RABEP1: variants seen among roughly 807,000 people sequenced by gnomAD.
RABEP1 encodes the protein rabaptin, RAB GTPase binding effector protein 1, also known as rab GTPase-binding effector protein 1.
In RABEP1, 51 loss-of-function variants were observed where a neutral mutation model predicts 123.4. That is an observed-to-expected ratio of 0.41 (90% CI 0.33 to 0.52). The LOEUF is 0.52. Ranked by LOEUF, RABEP1 falls within the 20% of genes least tolerant of loss-of-function variation. The pLI is 0.16. For synonymous variants in RABEP1, 347 were observed against 355.2 expected (o/e 0.98, Z 0.26); for missense variants, 888 against 996.3 (o/e 0.89, Z 1.46).
At chr17:5,367,902 C>G (rs568715886) in intron 11 of RABEP1, among the ~76,000 whole-genome samples, 1 of 150,670 alleles carries the variant, frequency 6.6e-6, no homozygotes, top group Non-Finnish European at 1.5e-5. Flanking sequence ...ATACAGGTGC[C>G]CGCCACCACA....
intron 2 of RABEP1, among the ~76,000 whole-genome samples, chr17:5,319,830 TACAA>T (rs1341994691): frequency 1.3e-5 from 2 of 151,766 alleles, no homozygotes; most frequent in African/African-American, 2.4e-5. Flanking sequence ...TGTTTGAAAA[TACAA>T]AGAGGACAAA....
intron 2 of RABEP1, among the ~76,000 whole-genome samples, chr17:5,316,672 G>A (rs1490792821): frequency 3.3e-5 from 5 of 150,136 alleles, no homozygotes; most frequent in Non-Finnish European, 5.9e-5. Context: ...GTATCTACTA[G>A]AAATGCAAAA....
At chr17:5,285,733 G>T (rs1230931181) in intron 1 of RABEP1, among the ~76,000 whole-genome samples, 1 of 152,192 alleles carries the variant, frequency 6.6e-6, no homozygotes, top group African/African-American at 2.4e-5. Flanking sequence ...AGAAGTTAAA[G>T]AAACGTGCCT....
chr17:5,350,454 G>C lies in RABEP1; in HGVS notation c.788G>C (p.Cys263Ser). 6.2e-7 allele frequency: 1 copy of C among 1,608,474 alleles called. No homozygotes were observed. Among genetic ancestry groups the C allele is most frequent in the Non-Finnish European group, 8.5e-7 (1 of 1,178,190 alleles). Residue 263 changes from cysteine to serine, a missense_variant, in exon 7 of 18, where the codon TGC (cysteine) becomes TCC (serine). Physicochemically the swap from Cys to Ser is moderately radical, Grantham distance 112. Transcript: ENST00000537505. Reference protein sequence around the residue: ...EKLRKELHEVCHLLEQERQQH... With the variant: ...EKLRKELHEVSHLLEQERQQH... ...TGGTGGGGGGGTTCCTAAACAGTTT[G>C]CCATCTCTTGGAGCAAGAGCGACAA...
chr17:5,308,166 A>G (rs1386358734), intron 1 of RABEP1, among the ~76,000 whole-genome samples: 1 of 151,336 alleles, frequency 6.6e-6, no homozygotes, highest in Non-Finnish European at 1.5e-5. Context: ...GATTCTCTGT[A>G]TATTTGTGGT....
chr17:5,300,969 G>A (rs1023183998), intron 1 of RABEP1, among the ~76,000 whole-genome samples: 2 of 152,152 alleles, frequency 1.3e-5, no homozygotes, highest in African/African-American at 4.8e-5. Context: ...GGAAGCCTGG[G>A]ATGGGGCCTG....
chr17:5,337,422 AC>A (rs535077420), intron 4 of RABEP1, among the ~76,000 whole-genome samples: 662 of 152,340 alleles, frequency 4.3e-3, no homozygotes, highest in Non-Finnish European at 8.1e-3. Context: ...GCGGTGGCTC[AC>A]GCCTGTAATC....
In RABEP1 at chr17:5,386,128, A is replaced by G; in HGVS notation, c.*2905A>G. 2.8e-6 allele frequency: 3 copies of G among 1,070,120 alleles called. No homozygotes were observed. Among genetic ancestry groups the G allele is most frequent in the East Asian group, 2.5e-5 (1 of 39,534 alleles). 66.3% of individuals were successfully genotyped at this position (1,070,120 alleles called of 1,614,324 possible). A position where few individuals can be genotyped will look rare whatever the true frequency, so the allele number is the denominator to read the frequency against. On this transcript the variant is annotated 3_prime_UTR_variant, in exon 18 of 18. Coordinates refer to ENST00000537505, the MANE Select transcript of RABEP1 (RefSeq NM_004703.6). The stretch of plus-strand genomic sequence containing the variant: ...ATCAAAACACCTTTTTATAAATTAG[A>G]TAATTCTACCTGTTTTACAATATGG...
intron 1 of RABEP1, among the ~76,000 whole-genome samples, chr17:5,302,750 A>T (rs975059802): frequency 4.0e-5 from 6 of 151,802 alleles, no homozygotes; most frequent in Non-Finnish European, 8.8e-5. Flanking sequence ...CTGGTCTCAA[A>T]CTCCTGGCCT....
chr17:5,301,853 C>T (rs1597334694), intron 1 of RABEP1, among the ~76,000 whole-genome samples: 2 of 151,866 alleles, frequency 1.3e-5, no homozygotes, highest in East Asian at 3.9e-4. Flanking sequence ...GGTTTAATAG[C>T]AGTTCAAGTG....
Position 5,362,950 on chromosome 17 carries a change from T to C in RABEP1, c.1602T>C (p.Asp534=). The change falls in exon 10 of 18, where the codon GAT becomes GAC. Residue 534 remains aspartate, a synonymous_variant. Coordinates refer to ENST00000537505, the MANE Select transcript of RABEP1 (RefSeq NM_004703.6). ...NAGNKLGRRC[D]MCSNYEKQLQ... Reference sequence around the variant, plus strand: ...GAAATAAACTTGGTAGACGTTGTGATATGTGTTCCAATTACGAAAAACAGT... The same window carrying C: ...GAAATAAACTTGGTAGACGTTGTGACATGTGTTCCAATTACGAAAAACAGT... The C allele has an allele frequency of 1.9e-6, 3 of 1,614,052 alleles. No homozygotes were observed. The highest frequency in any genetic ancestry group is 2.5e-6 in the Non-Finnish European group (3 of 1,179,882).
At chr17:5,367,733 T>A (rs538646783) in intron 11 of RABEP1, among the ~76,000 whole-genome samples, 14 of 151,076 alleles carry the variant, frequency 9.3e-5, no homozygotes, top group African/African-American at 2.9e-4. Context: ...GCACTGTGAT[T>A]TATGTGAAAT....
intron 5 of RABEP1, among the ~76,000 whole-genome samples, chr17:5,345,749 G>A (rs1274568237): frequency 2.0e-5 from 3 of 152,164 alleles, no homozygotes; most frequent in Non-Finnish European, 2.9e-5. Flanking sequence ...ATTATTGCAT[G>A]ATGGCCTAGG....
chr17:5,335,949 C>T (rs1907039721), intron 4 of RABEP1, among the ~76,000 whole-genome samples: 1 of 151,820 alleles, frequency 6.6e-6, no homozygotes, highest in South Asian at 2.1e-4. Flanking sequence ...GTTAGTTTTC[C>T]TTCTTTCTCG....
At chr17:5,321,759 C>G (rs922870922) in intron 2 of RABEP1, among the ~76,000 whole-genome samples, 2 of 152,198 alleles carry the variant, frequency 1.3e-5, no homozygotes, top group Admixed American at 1.3e-4. Context: ...AAATAGACTA[C>G]AAATCTAAGA....
rs763635374 is a variant in RABEP1 at position 5,317,046 on chromosome 17, G to A, written c.163+8224G>A. ...TAGCCTCCTGAGTTGCTGGAATTAC[G>A]GGCACCTGCTACCATGCCTGGCTAA... On this transcript the variant is annotated intron_variant, in intron 2 of 17. Transcript: ENST00000537505. 5.0e-4 allele frequency among the ~76,000 whole-genome samples: 76 copies of A among 151,968 alleles called. 1 individual carries two copies. The highest frequency in any genetic ancestry group is 9.9e-4 in the African/African-American group (41 of 41,446).
chr17:5,361,019 T>A (rs1021887241), intron 8 of RABEP1, 189 bp from the exon 9 acceptor site: 6 of 604,416 alleles, frequency 9.9e-6, no homozygotes, highest in Non-Finnish European at 1.7e-5. Flanking sequence ...TGCTCACAGT[T>A]GTATCCTGAG....
At chr17:5,363,600 G>T (rs1445053354) in intron 10 of RABEP1, among the ~76,000 whole-genome samples, 1 of 152,024 alleles carries the variant, frequency 6.6e-6, no homozygotes, top group Non-Finnish European at 1.5e-5. Context: ...TGCCCCTTCC[G>T]CCTAAGGCCT....
chr17:5,383,258 GT>G lies in RABEP1; in HGVS notation c.*40del. ...GGCAGGATTCTAGCCTGCACTTTGG[GT>G]TTTTAACTCATCTTTAGAGCAACAG... On this transcript the variant is annotated 3_prime_UTR_variant, in exon 18 of 18. Coordinates refer to ENST00000537505, the MANE Select transcript of RABEP1 (RefSeq NM_004703.6). 6.5e-7 allele frequency: 1 copy of G among 1,530,240 alleles called. No homozygotes were observed. The highest frequency in any genetic ancestry group is 9.1e-7 in the Non-Finnish European group (1 of 1,104,258). 94.8% of individuals were successfully genotyped at this position (1,530,240 alleles called of 1,614,324 possible). A position where few individuals can be genotyped will look rare whatever the true frequency, so the allele number is the denominator to read the frequency against.
Sources: gnomAD v4.1 joint callset for allele counts (sites outside exome capture counted in the v4.1 genomes callset) on GRCh38, gnomAD v4.1.1 for gene constraint, MANE v1.5 for transcripts, NCBI Gene and HGNC (gene_info 2026-07-23, HGNC 2026-07-21) for gene names.